Variants in DNMT3A observed in about 807,000 individuals in gnomAD.
DNMT3A encodes the protein DNA methyltransferase 3 alpha, also known as DNA (cytosine-5)-methyltransferase 3A.
DNMT3A carries 267 observed loss-of-function variants against 117.6 expected under a neutral mutation model. The ratio of observed to expected loss-of-function variants is 2.27; its 90% CI spans 2.05 to 2.51. DNMT3A has a LOEUF of 2.51. Ranked by LOEUF, DNMT3A falls within the 30% of genes most tolerant of loss-of-function variation. The probability of loss-of-function intolerance (pLI) is 0.00; values close to 1 mark genes in which losing one functional copy is unlikely to be tolerated. For synonymous variants in DNMT3A, 432 were observed against 474.8 expected, an observed-to-expected ratio of 0.91 and a Z score of 1.17; for missense variants, 1,029 against 1,260.2, an observed-to-expected ratio of 0.82 and a Z score of 2.78.
intron 2 of DNMT3A, among the ~76,000 whole-genome samples, chr2:25,307,869 G>A (rs1034273416): frequency 1.3e-5 from 2 of 152,228 alleles, no homozygotes; most frequent in Non-Finnish European, 2.9e-5. Context: ...GCCATTAAGA[G>A]CAGGAGGGAC....
intron 6 of DNMT3A, among the ~76,000 whole-genome samples, chr2:25,256,240 CCAAT>C (rs1007644176): frequency 6.6e-5 from 10 of 152,178 alleles, no homozygotes; most frequent in African/African-American, 2.2e-4. Flanking sequence ...AGCCTCAATG[CCAAT>C]CAGTCAACAC....
rs981899546 is a variant in DNMT3A at position 25,257,215 on chromosome 2, G to A, written c.640-8963C>T. ...GGACTTGTTGCTAAGGAGACCAGTC[G>A]CAGAGAGAGCAACTAAGCAGGGGGA... On this transcript the variant is annotated intron_variant, in intron 6 of 22. Coordinates refer to ENST00000321117, the MANE Select transcript of DNMT3A (RefSeq NM_022552.5). This position sits in a 1 kb window ranked among gnomAD's most constrained non-coding sequence, Gnocchi z 4.8. Among the ~76,000 whole-genome samples the A allele has an allele frequency of 1.3e-5, 2 of 152,320 alleles. No homozygotes were observed. The highest frequency in any genetic ancestry group is 2.1e-4 in the South Asian group (1 of 4,826).
intron 17 of DNMT3A, 27 bp downstream of exon 17, chr2:25,241,535 G>C: frequency 6.3e-7 from 1 of 1,597,730 alleles, no homozygotes; most frequent in Non-Finnish European, 8.5e-7. Context: ...AGGGGAAGAC[G>C]GGCTGCGCCC....
At chr2:25,283,429 A>G (rs1020205942) in intron 3 of DNMT3A, among the ~76,000 whole-genome samples, 2 of 151,516 alleles carry the variant, frequency 1.3e-5, no homozygotes, top group Admixed American at 6.6e-5. Flanking sequence ...TCTCCCTTAG[A>G]AGATTCCAGT....
At chr2:25,250,881 GCTC>G (rs1675445085) in intron 6 of DNMT3A, among the ~76,000 whole-genome samples, 1 of 152,220 alleles carries the variant, frequency 6.6e-6, no homozygotes, top group African/African-American at 2.4e-5. Flanking sequence ...GGTGGGCTGG[GCTC>G]CTCCTCTGGC....
chr2:25,292,118 A>G (rs989492524), intron 3 of DNMT3A, among the ~76,000 whole-genome samples: 1 of 152,060 alleles, frequency 6.6e-6, no homozygotes, highest in Non-Finnish European at 1.5e-5. Context: ...ATGGCCTTTG[A>G]GCCCCCTATG....
chr2:25,284,544 G>A (rs910536207), intron 3 of DNMT3A, among the ~76,000 whole-genome samples: 1 of 150,268 alleles, frequency 6.7e-6, no homozygotes, highest in Non-Finnish European at 1.5e-5. Context: ...CTATTTGGGA[G>A]GCTGAGGCAG....
At chr2:25,312,231 G>A (rs1185508246) in intron 2 of DNMT3A, among the ~76,000 whole-genome samples, 3 of 152,248 alleles carry the variant, frequency 2.0e-5, no homozygotes, top group Admixed American at 6.5e-5. Flanking sequence ...GACAGCGGCA[G>A]GTGTCCCCAA....
chr2:25,242,589 C>T (rs1051102240), intron 16 of DNMT3A, among the ~76,000 whole-genome samples: 4 of 152,208 alleles, frequency 2.6e-5, no homozygotes, highest in African/African-American at 9.6e-5. Flanking sequence ...GAACAGAAGA[C>T]AAACATCTGG....
chr2:25,317,881 A>C (rs1209012289), intron 1 of DNMT3A, among the ~76,000 whole-genome samples: 1 of 151,906 alleles, frequency 6.6e-6, no homozygotes, highest in Non-Finnish European at 1.5e-5. Flanking sequence ...GATTACAGGC[A>C]TGTACCACCA....
rs528700982 is a variant in DNMT3A at position 25,339,781 on chromosome 2, C to T, written c.-178+2045G>A. Among the ~76,000 whole-genome samples, 3 of 152,202 alleles carry T rather than the reference C, an allele frequency of 2.0e-5. No individual in the cohort carries two copies. The highest frequency in any genetic ancestry group is 2.9e-5 in the Non-Finnish European group (2 of 68,032). On this transcript the variant is annotated intron_variant, in intron 1 of 22. Coordinates refer to ENST00000321117, the MANE Select transcript of DNMT3A (RefSeq NM_022552.5). This position sits in a 1 kb window ranked among gnomAD's most constrained non-coding sequence, Gnocchi z 4.9. ...CTGCTAGCCAACCAAAGAGGGTCCC[C>T]GGGATGCCTGGCCCCCCAAATCCCA...
At chr2:25,287,735 G>A (rs13003265) in intron 3 of DNMT3A, among the ~76,000 whole-genome samples, 12 of 142,698 alleles carry the variant, frequency 8.4e-5, no homozygotes, top group South Asian at 2.2e-4. Flanking sequence ...GGACACCCCC[G>A]CCCCCAACAG....
rs1020693468 is a variant in DNMT3A, at chr2:25,296,653, G to A, written c.177+3486C>T. On this transcript the variant is annotated intron_variant, in intron 3 of 22. Transcript: ENST00000321117. The surrounding 1 kb of genome is among the most constrained non-coding windows in gnomAD (Gnocchi z 4.2). ...GCTCAGGAAGTGGAAAGTGTTTGTC[G>A]TGAAGGGAGCACACTGGCCTGGGCA... is the stretch of plus-strand genomic sequence containing the variant. Among the ~76,000 whole-genome samples, 3 of 152,248 alleles carry A rather than the reference G, an allele frequency of 2.0e-5. No individual in the cohort carries two copies. Among genetic ancestry groups the A allele is most frequent in the East Asian group, 1.9e-4 (1 of 5,204 alleles).
intron 1 of DNMT3A, among the ~76,000 whole-genome samples, chr2:25,324,423 A>C (rs1488125533): frequency 6.6e-6 from 1 of 152,220 alleles, no homozygotes; most frequent in Non-Finnish European, 1.5e-5. Context: ...CAAATGTGGC[A>C]GTTCTTGGTC....
intron 2 of DNMT3A, among the ~76,000 whole-genome samples, chr2:25,312,177 G>A (rs1259388666): frequency 6.6e-6 from 1 of 152,220 alleles, no homozygotes; most frequent in African/African-American, 2.4e-5. Context: ...GGCCCAAGAA[G>A]GGGAGGGAGT....
At position 25,247,557 on chromosome 2, in the gene DNMT3A, C is replaced by G. The variant is rs142243425; in HGVS notation, c.1014+34G>C. 3 of 1,605,180 alleles carry G rather than the reference C, an allele frequency of 1.9e-6. No homozygotes were observed. Among genetic ancestry groups the G allele is most frequent in the African/African-American group, 2.7e-5 (2 of 74,762 alleles). ...AGGCCCTGGGATCAAGAACCTTCCCCCACCCCAGGCTACTGCCAAACCCCA... is the reference window on the plus strand; with the variant it reads ...AGGCCCTGGGATCAAGAACCTTCCCGCACCCCAGGCTACTGCCAAACCCCA... On this transcript the variant is annotated intron_variant, in intron 8 of 22. Coordinates refer to ENST00000321117, the MANE Select transcript of DNMT3A (RefSeq NM_022552.5). The surrounding 1 kb of genome is among the most constrained non-coding windows in gnomAD (Gnocchi z 5.6).
intron 6 of DNMT3A, among the ~76,000 whole-genome samples, chr2:25,256,904 C>T (rs1298193003): frequency 2.6e-5 from 4 of 152,176 alleles, no homozygotes; most frequent in African/African-American, 7.2e-5. Flanking sequence ...GCAGTGTGGG[C>T]TAGAGCATCT....
In DNMT3A at chr2:25,337,672, T is replaced by C. The variant is rs535278077; in HGVS notation, c.-178+4154A>G. Among the ~76,000 whole-genome samples the C allele has an allele frequency of 1.9e-3, 296 of 152,344 alleles. No individual in the cohort carries two copies. Among genetic ancestry groups the C allele is most frequent in the African/African-American group, 6.8e-3 (283 of 41,576 alleles). On this transcript the variant is annotated intron_variant, in intron 1 of 22. Coordinates refer to ENST00000321117, the MANE Select transcript of DNMT3A (RefSeq NM_022552.5). The surrounding 1 kb of genome is among the most constrained non-coding windows in gnomAD (Gnocchi z 5.0). ...ACATCATGCACAGACACATGTGCAC[T>C]GAACCTCGTCTTGCCCACACACTTA...
chr2:25,334,835 T>C (rs1249066935), intron 1 of DNMT3A, among the ~76,000 whole-genome samples: 1 of 152,230 alleles, frequency 6.6e-6, no homozygotes, highest in East Asian at 1.9e-4. Context: ...ACCAGTTTCT[T>C]ATCCATTATA....
Sources: gnomAD v4.1 joint callset for allele counts (sites outside exome capture counted in the v4.1 genomes callset) on GRCh38, gnomAD v4.1.1 for gene constraint, Gnocchi (gnomAD v3.1) non-coding constraint, MANE v1.5 for transcripts, NCBI Gene and HGNC (gene_info 2026-07-23, HGNC 2026-07-21) for gene names.